Variants in ETV5 observed in about 807,000 individuals in gnomAD.
The protein encoded by ETV5 is ETS variant transcription factor 5.
A neutral mutation model predicts 70.0 loss-of-function variants in ETV5; 10 were observed. That is an observed-to-expected ratio of 0.14 (90% CI 0.09 to 0.24). The LOEUF is 0.24. Ranked by LOEUF, ETV5 falls within the 10% of genes least tolerant of loss-of-function variation. The pLI is 1.00. For missense variants in ETV5, 453 were observed against 651.2 expected (o/e 0.70, Z 3.31); for synonymous variants, 216 against 242.2 (o/e 0.89, Z 1.01).
chr3:186,097,093 C>T (rs1560055905), intron 5 of ETV5, among the ~76,000 whole-genome samples: 1 of 152,120 alleles, frequency 6.6e-6, no homozygotes, highest in African/African-American at 2.4e-5. Flanking sequence ...CTAGTTTTGG[C>T]ATGATGAGGC....
chr3:186,051,940 T>C, intron 12 of ETV5, 90 bp downstream of exon 12: 3 of 1,293,118 alleles, frequency 2.3e-6, no homozygotes, highest in Non-Finnish European at 3.3e-6. Context: ...AATTTCCTCG[T>C]AGCGACGATC....
At chr3:186,063,037 C>T (rs527245835) in intron 9 of ETV5, among the ~76,000 whole-genome samples, 5 of 152,152 alleles carry the variant, frequency 3.3e-5, no homozygotes, top group South Asian at 4.1e-4. Flanking sequence ...TTTGGGAGGC[C>T]GAGGCAGGTG....
chr3:186,083,170 C>T (rs964081117), intron 5 of ETV5, among the ~76,000 whole-genome samples: 4 of 152,212 alleles, frequency 2.6e-5, no homozygotes, highest in Non-Finnish European at 5.9e-5. Context: ...AGTAGATAGT[C>T]TGGCAGTTCT....
At chr3:186,107,746 G>T (rs1231816361) in intron 1 of ETV5, among the ~76,000 whole-genome samples, 1 of 151,832 alleles carries the variant, frequency 6.6e-6, no homozygotes. Context: ...CCTGTGGCGC[G>T]CAGCGGGCCC....
Position 186,105,757 on chromosome 3 carries a change from G to A in ETV5, c.46-45C>T, listed in dbSNP as rs949521481. 6.2e-7 allele frequency: 1 copy of A among 1,611,622 alleles called. No individual in the cohort carries two copies. The highest frequency in any genetic ancestry group is 8.5e-7 in the Non-Finnish European group (1 of 1,177,704). ...AGTGAAGGCTCAAGTGTAGTAAAGA[G>A]GTCCACAGGGGGAAGACTCATATTG... On this transcript the variant is annotated intron_variant, in intron 2 of 12. Transcript: ENST00000306376. The surrounding 1 kb of genome is among the most constrained non-coding windows in gnomAD (Gnocchi z 4.5).
At chr3:186,050,819 GA>G (rs1214316036) in intron 12 of ETV5, among the ~76,000 whole-genome samples, 3 of 152,128 alleles carry the variant, frequency 2.0e-5, no homozygotes, top group Admixed American at 6.5e-5. Context: ...CAGCAAAGGG[GA>G]CCACCTAACC....
intron 5 of ETV5, among the ~76,000 whole-genome samples, chr3:186,103,663 ACACACAC>A (rs1212997783): frequency 1.4e-5 from 2 of 139,530 alleles, no homozygotes; most frequent in African/African-American, 5.4e-5. Flanking sequence ...ACACACACAC[ACACACAC>A]TTGGATTATC....
chr3:186,079,562 G>A (rs1032645872), intron 7 of ETV5, among the ~76,000 whole-genome samples: 5 of 152,162 alleles, frequency 3.3e-5, no homozygotes, highest in African/African-American at 1.2e-4. Context: ...TGTGAGACGG[G>A]AGAATACCAG....
chr3:186,069,098 G>A (rs1262984064), intron 7 of ETV5, among the ~76,000 whole-genome samples: 1 of 152,118 alleles, frequency 6.6e-6, no homozygotes, highest in African/African-American at 2.4e-5. Context: ...TTAAACTGAA[G>A]AGATCTGTGT....
chr3:186,072,574 C>T lies in ETV5; in HGVS notation c.651-6502G>A, dbSNP rs866744274. On this transcript the variant is annotated intron_variant, in intron 7 of 12. Coordinates refer to ENST00000306376, the MANE Select transcript of ETV5 (RefSeq NM_004454.3). Reference sequence around the variant, plus strand: ...CTTCACAATGATGTTTATTTTCCTGCGATATAACGAAGAGCCAGACACTGT... The same window carrying T: ...CTTCACAATGATGTTTATTTTCCTGTGATATAACGAAGAGCCAGACACTGT... Among the ~76,000 whole-genome samples the T allele has an allele frequency of 3.9e-5, 6 of 152,076 alleles. No individual in the cohort carries two copies. In the East Asian group the frequency reaches 5.8e-4, roughly 15 times the overall value.
At chr3:186,085,462 C>T (rs1578554845) in intron 5 of ETV5, among the ~76,000 whole-genome samples, 1 of 152,050 alleles carries the variant, frequency 6.6e-6, no homozygotes, top group Non-Finnish European at 1.5e-5. Context: ...CTCTATTTCA[C>T]CTCCATTGTC....
chr3:186,060,901 T>A (rs756909865), intron 9 of ETV5, among the ~76,000 whole-genome samples: 4 of 152,218 alleles, frequency 2.6e-5, no homozygotes, highest in Non-Finnish European at 5.9e-5. Context: ...TCCCTCCTAG[T>A]TTGCCTGCTG....
Position 186,105,827 on chromosome 3 carries a change from T to C in ETV5, c.42A>G (p.Pro14=). 1 of 1,613,922 alleles carries C rather than the reference T, an allele frequency of 6.2e-7. No homozygotes were observed. The highest frequency in any genetic ancestry group is 8.5e-7 in the Non-Finnish European group (1 of 1,179,816). The part of the protein sequence containing the change: ...FYDQQVPFMV[P]GKSRSEECRG... ...ACCAAAAGCCACATAAACTTACCCCTGGGACCATAAAAGGGACTTGCTGAT... is the reference window on the plus strand; with the variant it reads ...ACCAAAAGCCACATAAACTTACCCCCGGGACCATAAAAGGGACTTGCTGAT... Residue 14 remains proline, a synonymous_variant, in exon 2 of 13, where the codon CCA becomes CCG. Transcript: ENST00000306376. The surrounding 1 kb of genome is among the most constrained non-coding windows in gnomAD (Gnocchi z 4.5).
intron 7 of ETV5, among the ~76,000 whole-genome samples, chr3:186,069,589 G>A (rs933063300): frequency 2.7e-5 from 4 of 150,392 alleles, no homozygotes; most frequent in African/African-American, 4.9e-5. Context: ...GCAGTGACTC[G>A]AGTGACTCGA....
chr3:186,091,641 G>GGT (rs1363294228), intron 5 of ETV5, among the ~76,000 whole-genome samples: 1 of 152,182 alleles, frequency 6.6e-6, no homozygotes, highest in African/African-American at 2.4e-5. Flanking sequence ...TTCAGGAACT[G>GGT]GTGTGTGGAC....
At chr3:186,080,384 C>T (rs775902202) in intron 6 of ETV5, among the ~76,000 whole-genome samples, 2 of 140,500 alleles carry the variant, frequency 1.4e-5, no homozygotes, top group African/African-American at 2.6e-5. Flanking sequence ...AAGAATTCTC[C>T]GTGTATGCCT....
At chr3:186,075,718 CA>C (rs1186352491) in intron 7 of ETV5, among the ~76,000 whole-genome samples, 2 of 152,232 alleles carry the variant, frequency 1.3e-5, no homozygotes, top group Non-Finnish European at 2.9e-5. Context: ...TCAATTACAG[CA>C]TGCTAGCCTA....
At position 186,055,847 on chromosome 3, in the gene ETV5, G is replaced by A. The variant is rs544174566; in HGVS notation, c.1209+1228C>T. Among the ~76,000 whole-genome samples the A allele has an allele frequency of 1.0e-3, 156 of 152,232 alleles. 1 individual carries two copies. Among genetic ancestry groups the A allele is most frequent in the African/African-American group, 3.5e-3 (146 of 41,540 alleles). On this transcript the variant is annotated intron_variant, in intron 11 of 12. Coordinates refer to ENST00000306376, the MANE Select transcript of ETV5 (RefSeq NM_004454.3). ...CTGAACACTGAAAACAGCAATTCTC[G>A]TTCAAATGCTTTCTAAGAGTGTCTA...
At chr3:186,063,863 T>C (rs1688969268) in intron 9 of ETV5, among the ~76,000 whole-genome samples, 1 of 152,072 alleles carries the variant, frequency 6.6e-6, no homozygotes, top group African/African-American at 2.4e-5. Context: ...CCATTTATCA[T>C]ATAATAATAA....
Sources: gnomAD v4.1 joint callset for allele counts (sites outside exome capture counted in the v4.1 genomes callset) on GRCh38, gnomAD v4.1.1 for gene constraint, Gnocchi (gnomAD v3.1) non-coding constraint, MANE v1.5 for transcripts, NCBI Gene and HGNC (gene_info 2026-07-23, HGNC 2026-07-21) for gene names.